The following AGBL4 variants were observed in gnomAD, a reference collection of about 807,000 sequenced individuals.
AGBL4 encodes AGBL carboxypeptidase 4.
A neutral mutation model predicts 66.4 loss-of-function variants in AGBL4; 58 were observed. That is an observed-to-expected ratio of 0.87 (90% CI 0.71 to 1.09). The LOEUF (loss-of-function observed/expected upper bound fraction) is 1.09. Ranked by LOEUF, AGBL4 falls within the 50% of genes least tolerant of loss-of-function variation. The pLI is 0.00. For missense variants in AGBL4, 579 were observed against 631.0 expected, an observed-to-expected ratio of 0.92 and a Z score of 0.88; for synonymous variants, 234 against 222.9, an observed-to-expected ratio of 1.05 and a Z score of -0.44.
chr1:49,142,561 T>C (rs936293736), intron 4 of AGBL4, among the ~76,000 whole-genome samples: 20 of 152,312 alleles, frequency 1.3e-4, no homozygotes, highest in Admixed American at 1.1e-3. Flanking sequence ...GAAGCTAGCA[T>C]AGCATTTGGC....
At chr1:49,969,207 T>G (rs1657838484) in intron 1 of AGBL4, among the ~76,000 whole-genome samples, 1 of 152,200 alleles carries the variant, frequency 6.6e-6, no homozygotes. Flanking sequence ...GAGGTATTAC[T>G]GACATACAAA....
intron 9 of AGBL4, among the ~76,000 whole-genome samples, chr1:48,617,573 T>G (rs930142022): frequency 2.0e-5 from 3 of 152,222 alleles, no homozygotes; most frequent in African/African-American, 7.2e-5. Context: ...GCTATTCTCT[T>G]CCTACGTGCT....
chr1:49,219,075 G>A (rs1173376954), intron 4 of AGBL4, among the ~76,000 whole-genome samples: 1 of 152,062 alleles, frequency 6.6e-6, no homozygotes, highest in African/African-American at 2.4e-5. Flanking sequence ...CACCCTCCAT[G>A]GCTCCCATGG....
chr1:49,330,024 C>T (rs1362696110), intron 3 of AGBL4, among the ~76,000 whole-genome samples: 11 of 152,122 alleles, frequency 7.2e-5, no homozygotes, highest in East Asian at 1.9e-4. Flanking sequence ...ATGAAAAACA[C>T]GGAATGAAAA....
intron 3 of AGBL4, among the ~76,000 whole-genome samples, chr1:49,448,411 T>A (rs545920685): frequency 4.5e-4 from 69 of 152,304 alleles, no homozygotes; most frequent in African/African-American, 1.2e-3. Context: ...TGGCTTATAC[T>A]TCAAAGAGAA....
intron 3 of AGBL4, among the ~76,000 whole-genome samples, chr1:49,511,809 G>T (rs1027703360): frequency 6.1e-4 from 93 of 151,784 alleles, no homozygotes; most frequent in African/African-American, 2.2e-3. Context: ...TTTTAACATT[G>T]TACATGGACA....
chr1:48,590,265 G>A (rs919403324), intron 10 of AGBL4, among the ~76,000 whole-genome samples: 3 of 152,074 alleles, frequency 2.0e-5, no homozygotes, highest in Non-Finnish European at 4.4e-5. Context: ...AATTAGGCGG[G>A]TGTGGTGGCG....
Position 49,281,994 on chromosome 1 carries a change from C to A in AGBL4, c.283-36130G>T, listed in dbSNP as rs118185622. On this transcript the variant is annotated intron_variant, in intron 3 of 13. Transcript: ENST00000371839. ...GGTTAGAAGTATAGATGGCATCCTACTACTTGTGATGGGCATCTGAAGTGG... is the reference window on the plus strand; with the variant it reads ...GGTTAGAAGTATAGATGGCATCCTAATACTTGTGATGGGCATCTGAAGTGG... 5.8e-4 allele frequency among the ~76,000 whole-genome samples: 89 copies of A among 152,322 alleles called. 1 individual carries two copies. The East Asian group carries it at 0.014, about 23-fold the overall frequency.
chr1:49,375,626 A>C (rs2148562391), intron 3 of AGBL4, among the ~76,000 whole-genome samples: 1 of 152,252 alleles, frequency 6.6e-6, no homozygotes, highest in East Asian at 1.9e-4. Flanking sequence ...CATCTTAATG[A>C]AAGAGACTGC....
intron 8 of AGBL4, among the ~76,000 whole-genome samples, chr1:48,650,508 C>T (rs1292830758): frequency 2.0e-5 from 3 of 149,394 alleles, no homozygotes; most frequent in Non-Finnish European, 4.5e-5. Flanking sequence ...CTATCTCCCT[C>T]CTTGCCTCCT....
chr1:49,957,510 C>T (rs4486489), intron 1 of AGBL4, among the ~76,000 whole-genome samples: 46,990 of 150,578 alleles, frequency 0.31, 7,866 homozygotes, highest in East Asian at 0.72. Context: ...CTTTGTAGGT[C>T]TCTAAGGACT....
chr1:49,785,891 A>AT (rs1553122696), intron 2 of AGBL4, among the ~76,000 whole-genome samples: 13 of 89,366 alleles, frequency 1.5e-4, no homozygotes, highest in African/African-American at 4.6e-4. Context: ...CAGGAAAAAA[A>AT]AAATATATAT....
rs180999047 is a variant in AGBL4, at chr1:49,029,154, A to C, written c.594+16430T>G. Among the ~76,000 whole-genome samples, 17 of 152,296 alleles carry C rather than the reference A, an allele frequency of 1.1e-4. No homozygotes were observed. In the East Asian group the frequency reaches 3.3e-3, roughly 29 times the overall value. On this transcript the variant is annotated intron_variant, in intron 5 of 13. Coordinates refer to ENST00000371839, the MANE Select transcript of AGBL4 (RefSeq NM_032785.4). ...TGCTTTACCTCTAAGATAAGGAACA[A>C]GGCAAAGAAGTCTGCTCTTGCCACT...
At position 48,572,794 on chromosome 1, in the gene AGBL4, TGGAA is replaced by T. The variant is rs921862357; in HGVS notation, c.1267+14206_1267+14209del. 8.6e-5 allele frequency among the ~76,000 whole-genome samples: 13 copies of T among 152,032 alleles called. 1 individual carries two copies. Among genetic ancestry groups the T allele is most frequent in the Admixed American group, 2.6e-4 (4 of 15,268 alleles). The stretch of plus-strand genomic sequence containing the variant: ...CCAGGCTGCCTTCCAATCCTCGATG[TGGAA>T]GGGAGCCTCTCACAGCAGCCATGCA... On this transcript the variant is annotated intron_variant, in intron 11 of 13. Coordinates refer to ENST00000371839, the MANE Select transcript of AGBL4 (RefSeq NM_032785.4).
intron 3 of AGBL4, among the ~76,000 whole-genome samples, chr1:49,558,024 C>A (rs1276144144): frequency 2.0e-5 from 3 of 151,920 alleles, no homozygotes; most frequent in Non-Finnish European, 4.4e-5. Context: ...CAGACAGACC[C>A]TGGGCCCAAA....
chr1:49,689,939 T>G lies in AGBL4; in HGVS notation c.282+7374A>C, dbSNP rs557661346. On this transcript the variant is annotated intron_variant, in intron 3 of 13. Coordinates refer to ENST00000371839, the MANE Select transcript of AGBL4 (RefSeq NM_032785.4). ...GAGAGCTTCACCTGCTACAGAGAAG[T>G]ATTTCATGAGTTAACTGATGAAGTC... is the stretch of plus-strand genomic sequence containing the variant. 2.4e-4 allele frequency among the ~76,000 whole-genome samples: 36 copies of G among 152,298 alleles called. 1 individual carries two copies. The highest frequency in any genetic ancestry group is 7.7e-4 in the African/African-American group (32 of 41,584).
chr1:49,394,790 G>C (rs1036330087), intron 3 of AGBL4, among the ~76,000 whole-genome samples: 1 of 152,088 alleles, frequency 6.6e-6, no homozygotes, highest in African/African-American at 2.4e-5. Context: ...AGGGAGGATG[G>C]GCTAAGTCAA....
At chr1:49,156,518 A>C (rs1646433549) in intron 4 of AGBL4, among the ~76,000 whole-genome samples, 1 of 152,108 alleles carries the variant, frequency 6.6e-6, no homozygotes, top group Non-Finnish European at 1.5e-5. Flanking sequence ...CTGTAGCGCT[A>C]TAGACATCTG....
chr1:49,816,466 A>T (rs1047218206), intron 2 of AGBL4, among the ~76,000 whole-genome samples: 1 of 152,176 alleles, frequency 6.6e-6, no homozygotes, highest in African/African-American at 2.4e-5. Flanking sequence ...GTCTATTCAT[A>T]TCTAGATTTT....
Sources: allele counts gnomAD v4.1 joint callset (sites outside exome capture counted in the v4.1 genomes callset), GRCh38; gene constraint gnomAD v4.1.1; transcripts MANE v1.5; gene names NCBI Gene and HGNC (gene_info 2026-07-23, HGNC 2026-07-21).